Variants in SCRIB observed in about 807,000 individuals in gnomAD.
SCRIB encodes protein scribble homolog.
In SCRIB, 72 loss-of-function variants were observed where a neutral mutation model predicts 170.0. The observed-to-expected ratio is 0.42, with a 90% CI of 0.35 to 0.52. SCRIB has a LOEUF of 0.52. Among genes scored for constraint, SCRIB ranks in the 20% least tolerant of loss-of-function variants. The pLI is 0.02. For missense variants in SCRIB, 2,475 were observed against 2,338.5 expected, an observed-to-expected ratio of 1.06 and a Z score of -1.20; for synonymous variants, 1,298 against 1,044.3, an observed-to-expected ratio of 1.24 and a Z score of -4.68.
intron 1 of SCRIB, among the ~76,000 whole-genome samples, chr8:143,814,325 C>T (rs537697629): frequency 9.2e-5 from 14 of 152,090 alleles, no homozygotes; most frequent in African/African-American, 3.4e-4. Flanking sequence ...CTGCCTCCCT[C>T]TACTCTTCAC....
chr8:143,814,257 C>T (rs1173512672), intron 1 of SCRIB, 139 bp from the exon 2 acceptor site: 3 of 665,354 alleles, frequency 4.5e-6, no homozygotes, highest in East Asian at 5.5e-5. Flanking sequence ...GGGGTCTAAC[C>T]ACGACACCCC....
Position 143,810,777 on chromosome 8 carries a change from C to G in SCRIB, c.1313G>C (p.Ser438Thr), listed in dbSNP as rs926800847. The part of the protein sequence containing the change: ...GQQGSLSETW[S>T]DAPPSRVSVI... The stretch of plus-strand genomic sequence containing the variant: ...GCTGACGCGGCTCGGCGGGGCATCG[C>G]TCCAGGTCTCCGAGAGGCTCCCCTG... Residue 438 changes from serine to threonine, a missense_variant, in exon 12 of 37, where the codon AGC becomes ACC. By Grantham distance (58) the Ser-to-Thr change is moderately conservative (BLOSUM62 1). Around this residue, in one of 3 missense-constraint regions of SCRIB, gnomAD observed 1,966 missense variants for 1,742.9 expected, o/e 1.13. Coordinates refer to ENST00000356994, the MANE Select transcript of SCRIB (RefSeq NM_182706.5). 2 of 1,604,614 alleles carry G rather than the reference C, an allele frequency of 1.2e-6. No individual in the cohort carries two copies. The highest frequency in any genetic ancestry group is 1.7e-6 in the Non-Finnish European group (2 of 1,177,940).
Position 143,791,037 on chromosome 8 carries a change from G to A in SCRIB, c.*126C>T, listed in dbSNP as rs1820055319. 1 of 1,044,676 alleles carries A rather than the reference G, an allele frequency of 9.6e-7. No homozygotes were observed. The highest frequency in any genetic ancestry group is 1.7e-5 in the African/African-American group (1 of 60,428). 64.7% of individuals were successfully genotyped at this position (1,044,676 alleles called of 1,614,324 possible). On this transcript the variant is annotated 3_prime_UTR_variant, in exon 37 of 37. Transcript: ENST00000356994. ...TCGGCTGGGGTGGGGCAGTTAGTTA[G>A]TCACAGGCCAGAACTCCTGTGGGGT... is the stretch of plus-strand genomic sequence containing the variant.
chr8:143,791,251 C>T lies in SCRIB; in HGVS notation c.4880G>A (p.Gly1627Asp), dbSNP rs536664247. ...TGCCACATCTTCAGGGCCCACAGCG[C>T]CGGGTGAGGGCCTGCCCAGAAGCAC... ...ALVLLGRPSP[G>D]AVGPEDVALC... is the part of the protein sequence containing the mutation. Residue 1627 changes from glycine (G) to aspartate (D), a missense_variant, in exon 37 of 37, where the codon GGC becomes GAC. Coordinates refer to ENST00000356994, the MANE Select transcript of SCRIB (RefSeq NM_182706.5). 1.0e-5 allele frequency: 15 copies of T among 1,504,694 alleles called. No homozygotes were observed. The South Asian group carries it at 1.6e-4, about 16-fold the overall frequency. The allele number at this position is 1,504,694 out of a possible 1,614,324, so 93.2% of individuals were successfully genotyped here.
chr8:143,812,705 G>A, intron 8 of SCRIB, 112 bp downstream of exon 8: 2 of 1,389,832 alleles, frequency 1.4e-6, no homozygotes, highest in Non-Finnish European at 2.0e-6. Flanking sequence ...CAGAGCCTGG[G>A]CACACTCAGG....
chr8:143,803,137 G>C (rs549580511), intron 24 of SCRIB, among the ~76,000 whole-genome samples: 2 of 152,166 alleles, frequency 1.3e-5, no homozygotes, highest in South Asian at 2.1e-4. Context: ...CCCACCATCC[G>C]TTCACGTGCC....
At chr8:143,793,221 G>A in intron 28 of SCRIB, 138 bp from the exon 29 acceptor site, 2 of 537,372 alleles carry the variant, frequency 3.7e-6, no homozygotes, top group Non-Finnish European at 6.4e-6. Context: ...GGGGAAGGAG[G>A]CTCTGCCACC....
At position 143,803,924 on chromosome 8, in the gene SCRIB, A is replaced by C. The variant is rs1249707121; in HGVS notation, c.3137T>G (p.Leu1046Arg). Residue 1046 changes from leucine (L) to arginine (R), a missense_variant, in exon 23 of 37, where the codon CTG becomes CGG. Physicochemically the swap from Leu to Arg is moderately radical, Grantham distance 102. Around this residue, in one of 3 missense-constraint regions of SCRIB, gnomAD observed 1,966 missense variants for 1,742.9 expected, o/e 1.13. Transcript: ENST00000356994. ...VFISKVLPRG[L>R]AARSGLRVGD... ...AACCCGCAGGCCGCTGCGAGCGGCC[A>C]GGCCCCGCGGGAGCACCTGTCAGGG... 1.3e-6 allele frequency: 2 copies of C among 1,585,086 alleles called. No individual in the cohort carries two copies. The highest frequency in any genetic ancestry group is 2.7e-5 in the African/African-American group (2 of 74,494).
At position 143,805,231 on chromosome 8, in the gene SCRIB, G is replaced by A; in HGVS notation, c.2551C>T (p.Pro851Ser). Residue 851 changes from proline to serine, a missense_variant, in exon 19 of 37, where the codon CCT (proline) becomes TCT (serine). Physicochemically the swap from Pro to Ser is moderately conservative, Grantham distance 74 (BLOSUM62 -1). Transcript: ENST00000356994. ...GGGLRLPLLP[P>S]ESPGPLRQRH... The stretch of plus-strand genomic sequence containing the variant: ...TGACGGAGGGGCCCGGGGCTCTCAG[G>A]CGGGAGCAGGGGCAGGCGCAGCCCC... The A allele has an allele frequency of 6.5e-7, 1 of 1,545,984 alleles. No homozygotes were observed. Among genetic ancestry groups the A allele is most frequent in the Non-Finnish European group, 8.7e-7 (1 of 1,150,624 alleles).
At chr8:143,805,461 T>C in intron 18 of SCRIB, 26 bp from the exon 19 acceptor site, 1 of 1,452,380 alleles carries the variant, frequency 6.9e-7, no homozygotes, top group South Asian at 1.4e-5. Flanking sequence ...CACGTGCGTA[T>C]TCAGGACCCA....
Position 143,791,829 on chromosome 8 carries a change from C to A in SCRIB, c.4695+47G>T, listed in dbSNP as rs782186216. On this transcript the variant is annotated intron_variant, in intron 34 of 36. Coordinates refer to ENST00000356994, the MANE Select transcript of SCRIB (RefSeq NM_182706.5). The stretch of plus-strand genomic sequence containing the variant: ...GGGGTGGGGGCAGGCCAGACCCCAC[C>A]CCCATGCCTCGGGGGTGAAGGGAAG... 21 of 1,526,206 alleles carry A rather than the reference C, an allele frequency of 1.4e-5. 2 individuals carry two copies. The Admixed American group carries it at 2.6e-4, about 19-fold the overall frequency. 94.5% of individuals were successfully genotyped at this position (1,526,206 alleles called of 1,614,324 possible).
intron 15 of SCRIB, among the ~76,000 whole-genome samples, chr8:143,807,979 G>A (rs1398373600): frequency 6.6e-6 from 1 of 152,204 alleles, no homozygotes; most frequent in African/African-American, 2.4e-5. Context: ...GACCCTTTGT[G>A]ACCCATGGAG....
In SCRIB at chr8:143,808,778, G is replaced by A. The variant is rs199847585; in HGVS notation, c.1946C>T (p.Pro649Leu). 6.2e-7 allele frequency: 1 copy of A among 1,611,074 alleles called. No individual in the cohort carries two copies. The highest frequency in any genetic ancestry group is 8.5e-7 in the Non-Finnish European group (1 of 1,178,492). The change falls in exon 15 of 37, where the codon CCC becomes CTC. Residue 649 changes from proline (P) to leucine (L), a missense_variant. Physicochemically the swap from Pro to Leu is moderately conservative, Grantham distance 98. This residue lies in a region of SCRIB where 1,966 missense variants were observed against 1,742.9 expected (regional missense o/e 1.13). Transcript: ENST00000356994. ...PVAPGGWHNG[P>L]HAPWAPRAQK... ...GGCCCGAGGAGCCCAGGGTGCGTGGGGGCCATTGTGCCAGCCCCCGGGAGC... is the reference window on the plus strand; with the variant it reads ...GGCCCGAGGAGCCCAGGGTGCGTGGAGGCCATTGTGCCAGCCCCCGGGAGC...
Position 143,810,713 on chromosome 8 carries a change from G to A in SCRIB, c.1377C>T (p.Asp459=), listed in dbSNP as rs752643044. The change falls in exon 12 of 37, where the codon GAC becomes GAT. Residue 459 remains aspartate (D), a synonymous_variant. Transcript: ENST00000356994. ...QFLEAPIGDE[D]AEEAAAEKRG... The stretch of plus-strand genomic sequence containing the variant: ...GCTTCTCAGCTGCAGCTTCCTCAGC[G>A]TCCTCATCACCTATGGGGGCCTCCA... The A allele has an allele frequency of 2.9e-5, 46 of 1,606,048 alleles. No individual in the cohort carries two copies. The highest frequency in any genetic ancestry group is 2.1e-4 in the South Asian group (19 of 90,786).
chr8:143,803,195 C>G (rs1815245197), intron 24 of SCRIB, among the ~76,000 whole-genome samples, 188 bp downstream of exon 24: 1 of 152,186 alleles, frequency 6.6e-6, no homozygotes, highest in Non-Finnish European at 1.5e-5. Context: ...AGCCGGAGCT[C>G]AGCAGAAAGG....
chr8:143,813,033 G>A lies in SCRIB; in HGVS notation c.639C>T (p.Pro213=). Residue 213 remains proline (P), a synonymous_variant, in exon 7 of 37, where the codon CCC becomes CCT. Transcript: ENST00000356994. The part of the protein sequence containing the change: ...WLDRNQLSAL[P]PELGNLRRLV... ...GGCCAGCCCCACCCTGACTCACCGG[G>A]GGCAGTGCTGACAGCTGGTTCCGGT... 2 of 1,599,986 alleles carry A rather than the reference G, an allele frequency of 1.3e-6. No homozygotes were observed. Among genetic ancestry groups the A allele is most frequent in the Non-Finnish European group, 1.7e-6 (2 of 1,174,220 alleles).
intron 9 of SCRIB, among the ~76,000 whole-genome samples, chr8:143,811,915 G>A (rs1207439899): frequency 6.6e-6 from 1 of 152,142 alleles, no homozygotes; most frequent in East Asian, 1.9e-4. Flanking sequence ...GCTTTGTGAG[G>A]GGCAGGCAGA....
chr8:143,810,873 C>A, intron 11 of SCRIB, 33 bp downstream of exon 11: 4 of 1,608,976 alleles, frequency 2.5e-6, no homozygotes, highest in Non-Finnish European at 3.4e-6. Flanking sequence ...CTGAGAGCCA[C>A]CCCGCGCTAA....
Position 143,792,654 on chromosome 8 carries a change from G to C in SCRIB, c.4178-19C>G, listed in dbSNP as rs1277485378. ...TTTCTGGCTGCCGGAGGGCAGGGTG[G>C]GTCAGGCCAGACCAGCCGAGACCCA... On this transcript the variant is annotated intron_variant, in intron 30 of 36. Transcript: ENST00000356994. 9 of 1,592,156 alleles carry C rather than the reference G, an allele frequency of 5.7e-6. No individual in the cohort carries two copies. The highest frequency in any genetic ancestry group is 2.7e-5 in the African/African-American group (2 of 74,866).
Sources: gnomAD v4.1 joint callset for allele counts (sites outside exome capture counted in the v4.1 genomes callset) on GRCh38, gnomAD v4.1.1 for gene constraint, gnomAD v4.1.1 regional missense constraint, MANE v1.5 for transcripts, NCBI Gene and HGNC (gene_info 2026-07-23, HGNC 2026-07-21) for gene names.